The following IFT43 variants were observed in gnomAD, a reference collection of about 807,000 sequenced individuals.
IFT43 encodes the protein intraflagellar transport 43, also known as intraflagellar transport protein 43 homolog.
A neutral mutation model predicts 32.3 loss-of-function variants in IFT43; 33 were observed. The observed-to-expected ratio is 1.02, with a 90% CI of 0.77 to 1.37. The LOEUF is 1.37. IFT43 is among the 40% of genes most tolerant of loss of function. The pLI, the probability that IFT43 is intolerant of heterozygous loss-of-function variation, is 0.00. For synonymous variants in IFT43, 93 were observed against 98.2 expected, an observed-to-expected ratio of 0.95 and a Z score of 0.31; for missense variants, 274 against 265.9, an observed-to-expected ratio of 1.03 and a Z score of -0.21.
chr14:76,051,641 C>A (rs1014437463), intron 3 of IFT43, among the ~76,000 whole-genome samples: 23 of 152,244 alleles, frequency 1.5e-4, no homozygotes, highest in African/African-American at 5.3e-4. Context: ...GGTTTGGAGG[C>A]AACTGTGAGA....
intron 3 of IFT43, among the ~76,000 whole-genome samples, chr14:76,043,463 G>T (rs1274338121): frequency 6.6e-6 from 1 of 151,908 alleles, no homozygotes; most frequent in African/African-American, 2.4e-5. Context: ...GTGGTGCAAG[G>T]TATCACGATT....
chr14:75,989,829 T>C (rs1003253656), intron 2 of IFT43, among the ~76,000 whole-genome samples: 1 of 152,204 alleles, frequency 6.6e-6, no homozygotes, highest in African/African-American at 2.4e-5. Context: ...AGAAGCCTAA[T>C]GGGTCAGGCA....
intron 2 of IFT43, among the ~76,000 whole-genome samples, chr14:76,003,162 C>G (rs1187515197): frequency 6.6e-6 from 1 of 152,188 alleles, no homozygotes; most frequent in Non-Finnish European, 1.5e-5. Flanking sequence ...TGGTCACGTG[C>G]TTTTACCCAG....
At position 76,075,030 on chromosome 14, in the gene IFT43, G is replaced by A. The variant is rs117174365; in HGVS notation, c.296-7265G>A. On this transcript the variant is annotated intron_variant, in intron 5 of 8. Coordinates refer to ENST00000314067, the MANE Select transcript of IFT43 (RefSeq NM_001102564.3). ...TGGAGGAGCATGGAGGCATTTCAACGTATGGGCACCCCAAACTGGCACTGC... is the reference window on the plus strand; with the variant it reads ...TGGAGGAGCATGGAGGCATTTCAACATATGGGCACCCCAAACTGGCACTGC... Among the ~76,000 whole-genome samples, 39 of 152,274 alleles carry A rather than the reference G, an allele frequency of 2.6e-4. No individual in the cohort carries two copies. The East Asian group carries it at 3.9e-3, about 15-fold the overall frequency.
At chr14:76,025,572 G>A (rs1342488703) in intron 3 of IFT43, among the ~76,000 whole-genome samples, 1 of 152,126 alleles carries the variant, frequency 6.6e-6, no homozygotes, top group Non-Finnish European at 1.5e-5. Flanking sequence ...CAGGGCTACA[G>A]TAACCAAAAC....
chr14:76,001,252 T>C (rs1433353168), intron 2 of IFT43, among the ~76,000 whole-genome samples: 1 of 152,218 alleles, frequency 6.6e-6, no homozygotes, highest in Non-Finnish European at 1.5e-5. Context: ...TTCAAAATTA[T>C]AGATTCAAAA....
chr14:75,985,964 CAGA>C, intron 1 of IFT43, 124 bp downstream of exon 1: 12 of 1,533,686 alleles, frequency 7.8e-6, no homozygotes, highest in Non-Finnish European at 9.6e-6. Flanking sequence ...GGGTGAGGCC[CAGA>C]AGGAGGCAGC....
At chr14:76,006,689 A>T (rs2035986340) in intron 2 of IFT43, among the ~76,000 whole-genome samples, 3 of 152,156 alleles carry the variant, frequency 2.0e-5, no homozygotes, top group Admixed American at 2.0e-4. Context: ...AACCATTTAA[A>T]AAATGGTTAA....
intron 2 of IFT43, among the ~76,000 whole-genome samples, chr14:75,999,263 A>AT (rs1566699522): frequency 4.1e-5 from 1 of 24,578 alleles, no homozygotes; most frequent in African/African-American, 2.6e-4. Flanking sequence ...ATATATATAT[A>AT]TATATATATG....
intron 3 of IFT43, among the ~76,000 whole-genome samples, chr14:76,038,427 G>T (rs2036644454): frequency 6.6e-6 from 1 of 152,140 alleles, no homozygotes; most frequent in Admixed American, 6.5e-5. Context: ...AGAAAGGATG[G>T]CTTTAGGACC....
intron 2 of IFT43, among the ~76,000 whole-genome samples, chr14:76,002,882 G>A (rs1041834085): frequency 5.3e-5 from 8 of 152,234 alleles, no homozygotes; most frequent in South Asian, 2.1e-4. Context: ...AACGAAGTCC[G>A]TGGGGGAAGC....
intron 6 of IFT43, 79 bp downstream of exon 6, chr14:76,082,446 T>C: frequency 2.1e-6 from 1 of 478,906 alleles, no homozygotes; most frequent in African/African-American, 1.9e-5. Flanking sequence ...TAGTGGACCT[T>C]GATGTCAATC....
chr14:76,039,407 C>T (rs7152174), intron 3 of IFT43, among the ~76,000 whole-genome samples: 1 of 152,126 alleles, frequency 6.6e-6, no homozygotes, highest in African/African-American at 2.4e-5. Context: ...AATCCTCCTG[C>T]CTTGGTCTCC....
downstream of IFT43, chr14:76,083,912 T>C (rs894115810): frequency 6.2e-6 from 3 of 485,618 alleles, no homozygotes; most frequent in Non-Finnish European, 1.2e-5. Context: ...AGCTGTTCAC[T>C]TCTCGGGAGG....
At chr14:76,044,010 T>G (rs907052760) in intron 3 of IFT43, among the ~76,000 whole-genome samples, 2 of 151,998 alleles carry the variant, frequency 1.3e-5, no homozygotes, top group African/African-American at 2.4e-5. Context: ...TTACTTACTA[T>G]CACCAATTTA....
intron 2 of IFT43, among the ~76,000 whole-genome samples, chr14:76,018,938 A>G (rs1228699150): frequency 6.6e-6 from 1 of 152,114 alleles, no homozygotes; most frequent in African/African-American, 2.4e-5. Context: ...TCTTATAGGC[A>G]GCAAATAGTG....
At chr14:76,056,782 G>A (rs1330365753) in intron 3 of IFT43, among the ~76,000 whole-genome samples, 4 of 152,170 alleles carry the variant, frequency 2.6e-5, no homozygotes, top group African/African-American at 4.8e-5. Context: ...CCTTGGGGAC[G>A]GCGTGAACTG....
chr14:75,996,132 A>G (rs1460114011), intron 2 of IFT43, among the ~76,000 whole-genome samples: 1 of 152,204 alleles, frequency 6.6e-6, no homozygotes, highest in Non-Finnish European at 1.5e-5. Flanking sequence ...GAGCACTTTA[A>G]GATTCTCCTC....
At chr14:76,015,989 A>G (rs1181120565) in intron 2 of IFT43, among the ~76,000 whole-genome samples, 1 of 152,142 alleles carries the variant, frequency 6.6e-6, no homozygotes, top group Non-Finnish European at 1.5e-5. Flanking sequence ...GATTCTTTTC[A>G]GATCCTTTGC....
Sources: allele counts gnomAD v4.1 joint callset (sites outside exome capture counted in the v4.1 genomes callset), GRCh38; gene constraint gnomAD v4.1.1; transcripts MANE v1.5; gene names NCBI Gene and HGNC (gene_info 2026-07-23, HGNC 2026-07-21).